VAV2: variants seen among roughly 807,000 people sequenced by gnomAD.
VAV2 encodes guanine nucleotide exchange factor VAV2.
Under a neutral mutation model 132.5 loss-of-function variants are expected in VAV2, and 67 were observed. That is an observed-to-expected ratio of 0.51 (90% CI 0.42 to 0.62). VAV2 has a LOEUF of 0.62. VAV2 is among the 20% of genes least tolerant of loss of function. The probability of loss-of-function intolerance (pLI) is 0.00; values close to 1 mark genes in which losing one functional copy is unlikely to be tolerated. For synonymous variants in VAV2, 492 were observed against 443.5 expected (o/e 1.11, Z -1.37); for missense variants, 938 against 1,153.6 (o/e 0.81, Z 2.71).
At position 133,991,637 on chromosome 9, in the gene VAV2, G is replaced by A. The variant is rs1252965761; in HGVS notation, c.204+438C>T. Among the ~76,000 whole-genome samples, 2 of 151,312 alleles carry A rather than the reference G, an allele frequency of 1.3e-5. No homozygotes were observed. The highest frequency in any genetic ancestry group is 4.8e-5 in the African/African-American group (2 of 41,312). On this transcript the variant is annotated intron_variant, in intron 1 of 29. Coordinates refer to ENST00000371850, the MANE Select transcript of VAV2 (RefSeq NM_001134398.2). This position sits in a 1 kb window ranked among gnomAD's most constrained non-coding sequence, Gnocchi z 4.8. ...CCCTCCAGCCGCGCCCCGGGCCGGC[G>A]CAGCGACCGCGCCCGCTCTTCCACC...
chr9:133,863,189 G>T lies in VAV2; in HGVS notation c.322-1757C>A, dbSNP rs574354484. Among the ~76,000 whole-genome samples, 5 of 152,350 alleles carry T rather than the reference G, an allele frequency of 3.3e-5. No individual in the cohort carries two copies. The East Asian group carries it at 9.6e-4, about 29-fold the overall frequency. On this transcript the variant is annotated intron_variant, in intron 2 of 29. Transcript: ENST00000371850. The surrounding 1 kb of genome is among the most constrained non-coding windows in gnomAD (Gnocchi z 5.0). ...AGCAATATTGCTGTACGTCCTTACA[G>T]TTATTTGGAAGAATGTTAGATCCCA...
Position 133,867,723 on chromosome 9 carries a change from G to A in VAV2, c.322-6291C>T, listed in dbSNP as rs375618344. Reference sequence around the variant, plus strand: ...GCTCTCGCCACCTGGAGCTGGAAAGGACATGCACCTTCTCCCAGGAGGAGC... The same window carrying A: ...GCTCTCGCCACCTGGAGCTGGAAAGAACATGCACCTTCTCCCAGGAGGAGC... On this transcript the variant is annotated intron_variant, in intron 2 of 29. Coordinates refer to ENST00000371850, the MANE Select transcript of VAV2 (RefSeq NM_001134398.2). Among the ~76,000 whole-genome samples the A allele has an allele frequency of 4.7e-4, 71 of 152,346 alleles. 1 individual carries two copies. The highest frequency in any genetic ancestry group is 1.6e-3 in the African/African-American group (68 of 41,580).
At chr9:133,861,208 C>A (rs1293345780) in intron 3 of VAV2, 166 bp downstream of exon 3, 5 of 669,936 alleles carry the variant, frequency 7.5e-6, no homozygotes, top group South Asian at 2.7e-5. Context: ...GCCCCCCACA[C>A]CCCTTCCTGC....
intron 12 of VAV2, among the ~76,000 whole-genome samples, chr9:133,792,695 C>G (rs1834546026): frequency 7.7e-6 from 1 of 129,272 alleles, no homozygotes; most frequent in Non-Finnish European, 1.6e-5. Context: ...CCCCCACCCC[C>G]CACCCAGCAT....
At chr9:133,925,567 C>T (rs478645) in intron 2 of VAV2, among the ~76,000 whole-genome samples, 54,514 of 152,118 alleles carry the variant, frequency 0.36, 10,336 homozygotes, top group Middle Eastern at 0.56. Context: ...CCCAGGGCTC[C>T]AGCCCCAAAG....
In VAV2 at chr9:133,883,357, CAAGT is replaced by C. The variant is rs2131945838; in HGVS notation, c.322-21929_322-21926del. Among the ~76,000 whole-genome samples, 1 of 152,346 alleles carries C rather than the reference CAAGT, an allele frequency of 6.6e-6. No individual in the cohort carries two copies. The highest frequency in any genetic ancestry group is 1.5e-5 in the Non-Finnish European group (1 of 68,038). ...AGACAGCCTCCCTGCCGGGGTGTGC[CAAGT>C]GAGTGTGGGGCTGACGGGTGTGAGC... On this transcript the variant is annotated intron_variant, in intron 2 of 29. Coordinates refer to ENST00000371850, the MANE Select transcript of VAV2 (RefSeq NM_001134398.2). The surrounding 1 kb of genome is among the most constrained non-coding windows in gnomAD (Gnocchi z 4.2).
intron 9 of VAV2, among the ~76,000 whole-genome samples, chr9:133,798,507 G>A (rs367789676): frequency 2.0e-4 from 31 of 152,242 alleles, no homozygotes; most frequent in African/African-American, 7.5e-4. Context: ...CTTTAGCCAC[G>A]ACACCTTCTC....
chr9:133,773,578 A>G (rs1278555513), intron 25 of VAV2, among the ~76,000 whole-genome samples: 1 of 151,998 alleles, frequency 6.6e-6, no homozygotes, highest in African/African-American at 2.4e-5. Flanking sequence ...CTTAAAACAC[A>G]AACATATTAC....
At chr9:133,953,769 G>A (rs1011082898) in intron 1 of VAV2, among the ~76,000 whole-genome samples, 2 of 152,144 alleles carry the variant, frequency 1.3e-5, no homozygotes, top group Admixed American at 6.5e-5. Flanking sequence ...CCCACCCTGG[G>A]AAACCCAGCT....
chr9:133,877,461 G>C (rs1838308159), intron 2 of VAV2, among the ~76,000 whole-genome samples: 1 of 152,170 alleles, frequency 6.6e-6, no homozygotes, highest in Admixed American at 6.5e-5. Flanking sequence ...TCGGCTCTGG[G>C]CTCAAAAGTT....
chr9:133,858,900 C>T (rs1309728439), intron 3 of VAV2, among the ~76,000 whole-genome samples: 1 of 152,214 alleles, frequency 6.6e-6, no homozygotes, highest in East Asian at 1.9e-4. Context: ...GCCACTGTGC[C>T]CACATGCTGC....
chr9:133,964,828 A>G (rs919731821), intron 1 of VAV2, among the ~76,000 whole-genome samples: 11 of 152,226 alleles, frequency 7.2e-5, no homozygotes, highest in African/African-American at 2.7e-4. Context: ...TCCTCTACAC[A>G]ATAAAGGTCA....
intron 2 of VAV2, among the ~76,000 whole-genome samples, chr9:133,894,714 T>A (rs1456089684): frequency 1.3e-5 from 2 of 151,938 alleles, no homozygotes; most frequent in Non-Finnish European, 2.9e-5. Context: ...TGTGGGCCTC[T>A]CCCCAGAACA....
Position 133,796,426 on chromosome 9 carries a change from C to T in VAV2, c.1032+3G>A. ...CGCAGGCACCCGGGGCCCAGAGCCT[C>T]ACCTTCAAGAGCAGGTGGTATTTGA... On this transcript the variant is annotated splice_donor_region_variant and intron_variant, in intron 11 of 29. Coordinates refer to ENST00000371850, the MANE Select transcript of VAV2 (RefSeq NM_001134398.2). 6.2e-7 allele frequency: 1 copy of T among 1,612,718 alleles called. No individual in the cohort carries two copies. The highest frequency in any genetic ancestry group is 1.3e-5 in the African/African-American group (1 of 75,044).
chr9:133,784,243 G>T, intron 18 of VAV2, 74 bp downstream of exon 18: 1 of 1,494,180 alleles, frequency 6.7e-7, no homozygotes, highest in Non-Finnish European at 9.3e-7. Flanking sequence ...GGGACAGATA[G>T]AACACTAAGC....
chr9:133,778,543 G>A (rs1833895971), intron 22 of VAV2, among the ~76,000 whole-genome samples: 1 of 152,194 alleles, frequency 6.6e-6, no homozygotes, highest in South Asian at 2.1e-4. Context: ...CAAACACCCG[G>A]GGAGCCCAAG....
chr9:133,815,499 C>G (rs1835521132), intron 4 of VAV2, among the ~76,000 whole-genome samples: 1 of 152,108 alleles, frequency 6.6e-6, no homozygotes, highest in Non-Finnish European at 1.5e-5. Context: ...TCTGACTGTT[C>G]TTCACCACAG....
intron 2 of VAV2, among the ~76,000 whole-genome samples, chr9:133,887,998 C>T (rs1379555613): frequency 6.6e-6 from 1 of 152,220 alleles, no homozygotes; most frequent in East Asian, 1.9e-4. Context: ...TTCCCAAGCC[C>T]GAGCTTAGGC....
intron 1 of VAV2, among the ~76,000 whole-genome samples, chr9:133,943,392 T>G (rs1337241257): frequency 3.3e-5 from 5 of 152,226 alleles, no homozygotes; most frequent in African/African-American, 1.2e-4. Context: ...CAGCGCCAGG[T>G]GAAAAGTCCC....
Sources: allele counts gnomAD v4.1 joint callset (sites outside exome capture counted in the v4.1 genomes callset), GRCh38; gene constraint gnomAD v4.1.1; non-coding constraint Gnocchi (gnomAD v3.1); transcripts MANE v1.5; gene names NCBI Gene and HGNC (gene_info 2026-07-23, HGNC 2026-07-21).